Variants in NMT1 observed in about 807,000 individuals in gnomAD.
NMT1 encodes the protein glycylpeptide N-tetradecanoyltransferase 1.
In NMT1, 12 loss-of-function variants were observed where a neutral mutation model predicts 63.4. That is an observed-to-expected ratio of 0.19 (90% confidence interval 0.12 to 0.31). The LOEUF is 0.31. Ranked by LOEUF, NMT1 falls within the 10% of genes least tolerant of loss-of-function variation. The pLI is 1.00. For missense variants in NMT1, 432 were observed against 634.6 expected, an observed-to-expected ratio of 0.68 and a Z score of 3.43; for synonymous variants, 228 against 234.3, an observed-to-expected ratio of 0.97 and a Z score of 0.25.
rs1044287571 is a variant in NMT1, at chr17:45,081,490, C to T, written c.132-154C>T. Among the ~76,000 whole-genome samples the T allele has an allele frequency of 2.0e-5, 3 of 152,212 alleles. No homozygotes were observed. The South Asian group carries it at 6.2e-4, about 31-fold the overall frequency. ...GAGTCAGGAGGAGTGCTGGTGTCCT[C>T]CAAATGCCCTTTCTGGACCTGGGTT... On this transcript the variant is annotated intron_variant, in intron 1 of 11. Transcript: ENST00000258960.
At chr17:45,063,957 C>T (rs985219866) in intron 1 of NMT1, among the ~76,000 whole-genome samples, 6 of 151,804 alleles carry the variant, frequency 4.0e-5, no homozygotes, top group South Asian at 2.1e-4. Context: ...GAGGCCGAGG[C>T]GGGTGGATCA....
chr17:45,106,491 T>G lies in NMT1; in HGVS notation c.*852T>G, dbSNP rs1381193691. 1 of 152,620 alleles carries G rather than the reference T, an allele frequency of 6.6e-6. No individual in the cohort carries two copies. Among genetic ancestry groups the G allele is most frequent in the African/African-American group, 2.4e-5 (1 of 41,462 alleles). 9.5% of individuals were successfully genotyped at this position (152,620 alleles called of 1,614,324 possible). Reference sequence around the variant, plus strand: ...TATAGGGATGAGTCCCCTGTGAGATTTTGCTTTTCCACTGCCTGGGATGAT... The same window carrying G: ...TATAGGGATGAGTCCCCTGTGAGATGTTGCTTTTCCACTGCCTGGGATGAT... On this transcript the variant is annotated 3_prime_UTR_variant, in exon 12 of 12. Coordinates refer to ENST00000258960, the MANE Select transcript of NMT1 (RefSeq NM_021079.5).
Position 45,105,537 on chromosome 17 carries a change from C to A in NMT1, c.1471-82C>A. The A allele has an allele frequency of 6.5e-7, 1 of 1,529,334 alleles. No individual in the cohort carries two copies. Among genetic ancestry groups the A allele is most frequent in the Non-Finnish European group, 9.0e-7 (1 of 1,106,192 alleles). The allele number at this position is 1,529,334 out of a possible 1,614,324, so 94.7% of individuals were successfully genotyped here. A position where few individuals can be genotyped will look rare whatever the true frequency, so the allele number is the denominator to read the frequency against. ...GGCGGTGGACCCGGGCCCAGCCACTCGGAACTTCAGGGATAGGGGGTGTGG... is the reference window on the plus strand; with the variant it reads ...GGCGGTGGACCCGGGCCCAGCCACTAGGAACTTCAGGGATAGGGGGTGTGG... On this transcript the variant is annotated intron_variant, in intron 11 of 11. Coordinates refer to ENST00000258960, the MANE Select transcript of NMT1 (RefSeq NM_021079.5). The surrounding 1 kb of genome is among the most constrained non-coding windows in gnomAD (Gnocchi z 4.2).
At chr17:45,066,928 C>T (rs2053906883) in intron 1 of NMT1, among the ~76,000 whole-genome samples, 1 of 152,088 alleles carries the variant, frequency 6.6e-6, no homozygotes, top group African/African-American at 2.4e-5. Flanking sequence ...CTATTTAGCC[C>T]AGGCTGGTCT....
chr17:45,095,264 G>T (rs1278508066), intron 4 of NMT1, among the ~76,000 whole-genome samples: 1 of 151,624 alleles, frequency 6.6e-6, no homozygotes, highest in Non-Finnish European at 1.5e-5. Context: ...CTGTCACCAC[G>T]CCAGGCTAAT....
At chr17:45,081,791 T>C (rs753007039) in intron 2 of NMT1, 39 bp downstream of exon 2, 18 of 1,457,324 alleles carry the variant, frequency 1.2e-5, no homozygotes, top group Non-Finnish European at 9.3e-7. Context: ...TCAGTCACTT[T>C]TTCACATGAG....
intron 1 of NMT1, among the ~76,000 whole-genome samples, chr17:45,068,397 G>T (rs1320661324): frequency 6.6e-6 from 1 of 152,086 alleles, no homozygotes; most frequent in Non-Finnish European, 1.5e-5. Flanking sequence ...ACTTGAACCC[G>T]GGAGGCAGAG....
chr17:45,102,846 G>A (rs564600336), intron 8 of NMT1, 105 bp from the exon 9 acceptor site: 75 of 1,095,682 alleles, frequency 6.8e-5, no homozygotes, highest in East Asian at 5.6e-4. Flanking sequence ...GCAGGGAGCC[G>A]CCGAATGACC....
intron 3 of NMT1, among the ~76,000 whole-genome samples, chr17:45,091,187 G>GACACACACACACAC (rs3062356): frequency 0.026 from 3,186 of 120,972 alleles, 150 homozygotes; most frequent in Middle Eastern, 0.035. Flanking sequence ...GGTCTTTCCT[G>GACACACACACACAC]ACACACACAC....
intron 1 of NMT1, among the ~76,000 whole-genome samples, chr17:45,072,852 C>A (rs1042148291): frequency 4.6e-5 from 7 of 152,066 alleles, no homozygotes; most frequent in African/African-American, 7.2e-5. Flanking sequence ...AGCCACCGCG[C>A]CTGGCCTATT....
chr17:45,102,992 C>T lies in NMT1; in HGVS notation c.1035C>T (p.Asp345=). The stretch of plus-strand genomic sequence containing the variant: ...GGCTGCGACCAATGGAAACAAAGGA[C>T]ATTCCAGTAGTGCACCAGCTCCTCA... ...TAGLRPMETK[D]IPVVHQLLTR... is the part of the protein sequence containing the mutation. The change falls in exon 9 of 12, where the codon GAC becomes GAT. Residue 345 remains aspartate, a synonymous_variant. Coordinates refer to ENST00000258960, the MANE Select transcript of NMT1 (RefSeq NM_021079.5). 1.2e-6 allele frequency: 2 copies of T among 1,613,862 alleles called. No homozygotes were observed. The highest frequency in any genetic ancestry group is 8.5e-7 in the Non-Finnish European group (1 of 1,179,774).
intron 1 of NMT1, among the ~76,000 whole-genome samples, chr17:45,076,826 G>A (rs2053980679): frequency 6.6e-6 from 1 of 151,988 alleles, no homozygotes; most frequent in Non-Finnish European, 1.5e-5. Flanking sequence ...GTTGAAACAG[G>A]ATTTTTGCTC....
chr17:45,086,677 C>A, intron 3 of NMT1, 25 bp downstream of exon 3: 1 of 1,590,070 alleles, frequency 6.3e-7, no homozygotes, highest in Non-Finnish European at 8.6e-7. Context: ...GCTTTCTTTG[C>A]CAGGTCAGGG....
intron 5 of NMT1, 115 bp downstream of exon 5, chr17:45,096,400 G>A (rs1241447970): frequency 3.8e-6 from 3 of 796,584 alleles, no homozygotes; most frequent in Non-Finnish European, 6.6e-6. Context: ...GCAAATTAGT[G>A]TGTCATTTTT....
At chr17:45,098,773 T>C in intron 7 of NMT1, 2 of 496,942 alleles carry the variant, frequency 4.0e-6, no homozygotes, top group Non-Finnish European at 7.3e-6. Flanking sequence ...TCTGGAGGGC[T>C]CTTGGTGTCT....
intron 4 of NMT1, among the ~76,000 whole-genome samples, chr17:45,094,351 A>G (rs1334454720): frequency 2.0e-5 from 3 of 151,418 alleles, no homozygotes. Flanking sequence ...AAAATTAGCC[A>G]GGTGTGGTGG....
rs1269207571 is a variant in NMT1 at position 45,093,798 on chromosome 17, G to A, written c.499G>A (p.Gly167Ser). ...GGATGCTTTGGACCTGGGCGATCGT[G>A]GTGTGGTGAGTGGGCCCTCAGAAGG... ...TWDALDLGDR[G>S]VLKELYTLLN... The change falls in exon 4 of 12, where the codon GGT becomes AGT. Residue 167 changes from glycine to serine, a missense_variant. This residue lies in a region of NMT1 where 295 missense variants were observed against 489.7 expected (regional missense o/e 0.60). Transcript: ENST00000258960. 6.2e-7 allele frequency: 1 copy of A among 1,613,716 alleles called. No individual in the cohort carries two copies. Among genetic ancestry groups the A allele is most frequent in the Non-Finnish European group, 8.5e-7 (1 of 1,179,696 alleles).
rs1200007511 is a variant in NMT1, at chr17:45,107,567, T to C, written c.*1928T>C. The C allele has an allele frequency of 6.5e-6, 1 of 152,680 alleles. No individual in the cohort carries two copies. Among genetic ancestry groups the C allele is most frequent in the African/African-American group, 2.4e-5 (1 of 41,460 alleles). The allele number at this position is 152,680 out of a possible 1,614,324, so 9.5% of individuals were successfully genotyped here. ...AGCCCCACAGACAACAGTTGCACAGTGCCTCAAGCCCCAGAGTGGCTCACC... is the reference window on the plus strand; with the variant it reads ...AGCCCCACAGACAACAGTTGCACAGCGCCTCAAGCCCCAGAGTGGCTCACC... On this transcript the variant is annotated 3_prime_UTR_variant, in exon 12 of 12. Transcript: ENST00000258960.
In NMT1 at chr17:45,079,349, G is replaced by A. The variant is rs995023122; in HGVS notation, c.132-2295G>A. Among the ~76,000 whole-genome samples the A allele has an allele frequency of 3.9e-5, 6 of 152,170 alleles. No homozygotes were observed. In the South Asian group the frequency reaches 8.3e-4, roughly 21 times the overall value. On this transcript the variant is annotated intron_variant, in intron 1 of 11. Coordinates refer to ENST00000258960, the MANE Select transcript of NMT1 (RefSeq NM_021079.5). ...GAACTCCTGACCTCATGATCTGTCT[G>A]CCGCGGCTTCCCAAAGTGCTGGGAT... is the stretch of plus-strand genomic sequence containing the variant.
Sources: gnomAD v4.1 joint callset for allele counts (sites outside exome capture counted in the v4.1 genomes callset) on GRCh38, gnomAD v4.1.1 for gene constraint, gnomAD v4.1.1 regional missense constraint, Gnocchi (gnomAD v3.1) non-coding constraint, MANE v1.5 for transcripts, NCBI Gene and HGNC (gene_info 2026-07-23, HGNC 2026-07-21) for gene names.